ANKRD46: variants seen among roughly 807,000 people sequenced by gnomAD.
ANKRD46 encodes ankyrin repeat domain-containing protein 46.
In ANKRD46, 13 loss-of-function variants were observed where a neutral mutation model predicts 19.8. The ratio of observed to expected loss-of-function variants is 0.66; its 90% CI spans 0.43 to 1.04. The LOEUF is 1.04. Among genes scored for constraint, ANKRD46 ranks in the 50% least tolerant of loss-of-function variants. ANKRD46 has a pLI of 0.00. For missense variants in ANKRD46, 185 were observed against 274.8 expected (o/e 0.67, Z 2.31); for synonymous variants, 91 against 106.9 (o/e 0.85, Z 0.92).
intron 3 of ANKRD46, among the ~76,000 whole-genome samples, chr8:100,528,980 G>A (rs967206246): frequency 2.6e-5 from 4 of 152,138 alleles, no homozygotes; most frequent in Admixed American, 6.5e-5. Flanking sequence ...CTGGACTCCC[G>A]GGAGATTATG....
Position 100,557,155 on chromosome 8 carries a change from T to C in ANKRD46, c.-131+2556A>G, listed in dbSNP as rs186752034. On this transcript the variant is annotated intron_variant, in intron 1 of 4. Coordinates refer to ENST00000335659, the MANE Select transcript of ANKRD46 (RefSeq NM_001270377.2). The surrounding 1 kb of genome is among the most constrained non-coding windows in gnomAD (Gnocchi z 5.9). ...TGACTTCCCAAATTTCTATTTCCAG[T>C]TGGACCTTTCTCTTCAACTCCCGTC... 3.9e-5 allele frequency among the ~76,000 whole-genome samples: 6 copies of C among 152,324 alleles called. No homozygotes were observed. Among genetic ancestry groups the C allele is most frequent in the African/African-American group, 9.6e-5 (4 of 41,578 alleles).
At chr8:100,539,375 G>A (rs1812129536) in intron 1 of ANKRD46, among the ~76,000 whole-genome samples, 1 of 152,136 alleles carries the variant, frequency 6.6e-6, no homozygotes, top group Admixed American at 6.5e-5. Context: ...GTAAATAAAA[G>A]GAGGAACTAA....
chr8:100,556,356 C>T (rs1586807460), intron 1 of ANKRD46, among the ~76,000 whole-genome samples: 2 of 152,052 alleles, frequency 1.3e-5, no homozygotes, highest in South Asian at 2.1e-4. Context: ...AAATGTACTA[C>T]GTAAAAAGGA....
At chr8:100,513,442 C>T (rs1362333162) in intron 5 of ANKRD46, among the ~76,000 whole-genome samples, 5 of 152,132 alleles carry the variant, frequency 3.3e-5, no homozygotes, top group Admixed American at 6.6e-5. Context: ...TTGTATTAAT[C>T]GTGATAGGTC....
At chr8:100,518,617 C>T (rs1465366866), downstream of ANKRD46, among the ~76,000 whole-genome samples, 4 of 151,976 alleles carry the variant, frequency 2.6e-5, no homozygotes, top group African/African-American at 9.7e-5. Context: ...TTTGGGAGGC[C>T]GAGGCGGGTG....
At position 100,536,630 on chromosome 8, in the gene ANKRD46, A is replaced by G. The variant is rs1812069385; in HGVS notation, c.-130-3319T>C. Among the ~76,000 whole-genome samples the G allele has an allele frequency of 6.6e-6, 1 of 152,158 alleles. No homozygotes were observed. Among genetic ancestry groups the G allele is most frequent in the Non-Finnish European group, 1.5e-5 (1 of 68,030 alleles). The stretch of plus-strand genomic sequence containing the variant: ...TTGGCAGTAAAGACCTCCAGGAAAG[A>G]AAAATAAAAGAACTGGTTCCTGGCA... On this transcript the variant is annotated intron_variant, in intron 1 of 4. Transcript: ENST00000335659. The surrounding 1 kb of genome is among the most constrained non-coding windows in gnomAD (Gnocchi z 4.9).
Position 100,537,227 on chromosome 8 carries a change from A to G in ANKRD46, c.-130-3916T>C, listed in dbSNP as rs1041623742. Reference sequence around the variant, plus strand: ...ATATCCAATATCAACAAGAATACATAATAGATGGATTTTTCATTTTGAAAG... The same window carrying G: ...ATATCCAATATCAACAAGAATACATGATAGATGGATTTTTCATTTTGAAAG... On this transcript the variant is annotated intron_variant, in intron 1 of 4. Coordinates refer to ENST00000335659, the MANE Select transcript of ANKRD46 (RefSeq NM_001270377.2). This position sits in a 1 kb window ranked among gnomAD's most constrained non-coding sequence, Gnocchi z 4.2. Among the ~76,000 whole-genome samples the G allele has an allele frequency of 6.6e-6, 1 of 152,208 alleles. No homozygotes were observed. The highest frequency in any genetic ancestry group is 1.5e-5 in the Non-Finnish European group (1 of 68,038).
intron 1 of ANKRD46, among the ~76,000 whole-genome samples, chr8:100,539,313 A>G (rs886449106): frequency 2.6e-5 from 4 of 152,220 alleles, no homozygotes; most frequent in African/African-American, 4.8e-5. Flanking sequence ...ATATGTGAAT[A>G]TTTATTTGGA....
In ANKRD46 at chr8:100,529,716, T is replaced by C; in HGVS notation, c.118A>G (p.Ile40Val). ...RLLESGFDPN[I>V]RDSRGRTGLH... is the part of the protein sequence containing the mutation. ...CCTGTTCTGCCCCTGCTGTCACGAA[T>C]ATTTGGGTCAAAGCCACTTTCCAAA... Residue 40 changes from isoleucine (I) to valine (V), a missense_variant, in exon 3 of 5, where the codon ATT becomes GTT. Ile to Val is a conservative substitution (Grantham distance 29, BLOSUM62 3). Transcript: ENST00000335659. This position sits in a 1 kb window ranked among gnomAD's most constrained non-coding sequence, Gnocchi z 5.8. 6.2e-7 allele frequency: 1 copy of C among 1,614,258 alleles called. No homozygotes were observed. The highest frequency in any genetic ancestry group is 1.6e-4 in the Middle Eastern group (1 of 6,062).
Position 100,527,796 on chromosome 8 carries a change from T to G in ANKRD46, c.470+49A>C. 6.5e-7 allele frequency: 1 copy of G among 1,543,948 alleles called. No homozygotes were observed. The highest frequency in any genetic ancestry group is 8.7e-7 in the Non-Finnish European group (1 of 1,143,382). On this transcript the variant is annotated intron_variant, in intron 4 of 4. Transcript: ENST00000335659. The surrounding 1 kb of genome is among the most constrained non-coding windows in gnomAD (Gnocchi z 4.0). ...AGGAAGAATGCTTGAGCCCAGGAGT[T>G]CAAGGAATGAGTAATACAGTGAGAA... is the stretch of plus-strand genomic sequence containing the variant.
intron 2 of ANKRD46, among the ~76,000 whole-genome samples, chr8:100,531,992 G>C (rs976481820): frequency 6.6e-6 from 1 of 152,074 alleles, no homozygotes; most frequent in South Asian, 2.1e-4. Flanking sequence ...AGGCAGAAGG[G>C]GACGCACTGG....
At chr8:100,553,708 C>A (rs1649585177) in intron 1 of ANKRD46, among the ~76,000 whole-genome samples, 1 of 152,110 alleles carries the variant, frequency 6.6e-6, no homozygotes, top group South Asian at 2.1e-4. Flanking sequence ...GAGGTTGCAC[C>A]ACTGCACTCC....
chr8:100,516,855 T>C (rs1450946003), downstream of ANKRD46, among the ~76,000 whole-genome samples: 1 of 152,228 alleles, frequency 6.6e-6, no homozygotes, highest in African/African-American at 2.4e-5. Context: ...CTTTCCTTTA[T>C]AGATCCAATG....
chr8:100,530,875 A>T (rs1423274292), intron 2 of ANKRD46, among the ~76,000 whole-genome samples: 1 of 152,210 alleles, frequency 6.6e-6, no homozygotes, highest in Non-Finnish European at 1.5e-5. Context: ...AAAAAAAAGT[A>T]GGGCTGTCTG....
In ANKRD46 at chr8:100,545,442, G is replaced by A. The variant is rs2507770; in HGVS notation, c.-130-12131C>T. On this transcript the variant is annotated intron_variant, in intron 1 of 4. Transcript: ENST00000335659. The surrounding 1 kb of genome is among the most constrained non-coding windows in gnomAD (Gnocchi z 4.7). Reference sequence around the variant, plus strand: ...TTTCCCCTACACATTCTCTCTTGCCGCCATGTAAGATGTTCCTTGCTTCCC... The same window carrying A: ...TTTCCCCTACACATTCTCTCTTGCCACCATGTAAGATGTTCCTTGCTTCCC... Among the ~76,000 whole-genome samples the A allele has an allele frequency of 0.36, 55,119 of 151,936 alleles. 10,210 individuals are homozygous for A. Among genetic ancestry groups the A allele is most frequent in the Middle Eastern group, 0.41 (122 of 294 alleles).
At chr8:100,509,774 G>C (rs975184310) in exon 6 of ANKRD46, 2 of 152,260 alleles carry the variant, frequency 1.3e-5, no homozygotes, top group African/African-American at 4.8e-5. Flanking sequence ...TGCTTTAACA[G>C]CAGCTCAGAG....
chr8:100,553,469 C>T (rs3015840), intron 1 of ANKRD46, among the ~76,000 whole-genome samples: 51,406 of 152,056 alleles, frequency 0.34, 9,132 homozygotes, highest in Non-Finnish European at 0.4. Context: ...TAAACTTACG[C>T]AGGCTGGGTG....
Position 100,522,215 on chromosome 8 carries a change from T to C in ANKRD46, c.*340A>G, listed in dbSNP as rs190939994. The stretch of plus-strand genomic sequence containing the variant: ...TCTTTTTGAATACTTCAATTGGTCC[T>C]ATATTAGGATAAGGTTTTGATAGCA... On this transcript the variant is annotated 3_prime_UTR_variant, in exon 5 of 5. Transcript: ENST00000335659. 6.2e-5 allele frequency: 65 copies of C among 1,052,782 alleles called. No individual in the cohort carries two copies. The East Asian group carries it at 3.7e-3, about 60-fold the overall frequency. 65.2% of individuals were successfully genotyped at this position (1,052,782 alleles called of 1,614,324 possible). A position where few individuals can be genotyped will look rare whatever the true frequency, so the allele number is the denominator to read the frequency against.
Position 100,524,589 on chromosome 8 carries a change from T to C in ANKRD46, c.471-1818A>G, listed in dbSNP as rs769167019. 9.2e-5 allele frequency among the ~76,000 whole-genome samples: 14 copies of C among 152,110 alleles called. No homozygotes were observed. Among genetic ancestry groups the C allele is most frequent in the Non-Finnish European group, 1.5e-4 (10 of 68,016 alleles). ...GGGAATCTACAACACCACAGTAATT[T>C]TGGAACACTTGACAGCAAGTTTAAA... is the stretch of plus-strand genomic sequence containing the variant. On this transcript the variant is annotated intron_variant, in intron 4 of 4. Transcript: ENST00000335659. The surrounding 1 kb of genome is among the most constrained non-coding windows in gnomAD (Gnocchi z 4.3).
Sources: allele counts gnomAD v4.1 joint callset (sites outside exome capture counted in the v4.1 genomes callset), GRCh38; gene constraint gnomAD v4.1.1; non-coding constraint Gnocchi (gnomAD v3.1); transcripts MANE v1.5; gene names NCBI Gene and HGNC (gene_info 2026-07-23, HGNC 2026-07-21).